IGF2BP1: variants seen among roughly 807,000 people sequenced by gnomAD.
IGF2BP1 encodes the protein insulin like growth factor 2 mRNA binding protein 1, also known as insulin-like growth factor 2 mRNA-binding protein 1.
In IGF2BP1, 11 loss-of-function variants were observed where a neutral mutation model predicts 74.9. The observed-to-expected ratio is 0.15, with a 90% CI of 0.09 to 0.24. The LOEUF (loss-of-function observed/expected upper bound fraction) is 0.24, where lower values mean the gene tolerates loss of function less well. Among genes scored for constraint, IGF2BP1 ranks in the 10% least tolerant of loss-of-function variants. The probability of loss-of-function intolerance (pLI) is 1.00; values close to 1 mark genes in which losing one functional copy is unlikely to be tolerated. For synonymous variants in IGF2BP1, 287 were observed against 281.8 expected, an observed-to-expected ratio of 1.02 and a Z score of -0.18; for missense variants, 440 against 757.4, an observed-to-expected ratio of 0.58 and a Z score of 4.92.
chr17:49,027,292 GA>G (rs1244831483), intron 4 of IGF2BP1, among the ~76,000 whole-genome samples: 1 of 152,114 alleles, frequency 6.6e-6, no homozygotes, highest in Non-Finnish European at 1.5e-5. Context: ...CAGGATTTTA[GA>G]ACTAGTCTAA....
intron 2 of IGF2BP1, among the ~76,000 whole-genome samples, chr17:49,010,475 G>A (rs1261530434): frequency 1.3e-5 from 2 of 151,246 alleles, no homozygotes; most frequent in African/African-American, 4.9e-5. Context: ...CCGCCACCAC[G>A]CCCGGCTACT....
chr17:49,041,312 T>G, intron 7 of IGF2BP1, 66 bp from the exon 8 acceptor site: 1 of 1,587,790 alleles, frequency 6.3e-7, no homozygotes, highest in Non-Finnish European at 8.6e-7. Context: ...GCATGGTGAT[T>G]GAGTCTTCAT....
intron 2 of IGF2BP1, among the ~76,000 whole-genome samples, chr17:49,005,508 C>T (rs1447011918): frequency 6.6e-6 from 1 of 152,070 alleles, no homozygotes; most frequent in Non-Finnish European, 1.5e-5. Flanking sequence ...ATTTTGGTGG[C>T]TGGAAGGCAT....
intron 14 of IGF2BP1, among the ~76,000 whole-genome samples, chr17:49,046,843 T>G (rs995486763): frequency 1.3e-5 from 2 of 152,146 alleles, no homozygotes; most frequent in Non-Finnish European, 2.9e-5. Flanking sequence ...CCCTGGTTTC[T>G]GCTCTTCCAC....
intron 2 of IGF2BP1, among the ~76,000 whole-genome samples, chr17:49,010,374 G>A (rs1030972777): frequency 1.4e-5 from 2 of 147,164 alleles, no homozygotes; most frequent in South Asian, 4.4e-4. Flanking sequence ...TGGAGTGCAG[G>A]GGCACGATCT....
chr17:49,044,911 A>AGAAGGGGAACTGGAT (rs2042093250), intron 11 of IGF2BP1, 80 bp from the exon 12 acceptor site: 3 of 1,207,632 alleles, frequency 2.5e-6, no homozygotes, highest in Non-Finnish European at 3.7e-6. Context: ...TAAGGGTGGT[A>AGAAGGGGAACTGGAT]GAAGGGGAAC....
In IGF2BP1 at chr17:48,999,093, T is replaced by C; in HGVS notation, c.176-16T>C. On this transcript the variant is annotated splice_polypyrimidine_tract_variant and intron_variant, in intron 1 of 14. Transcript: ENST00000290341. ...TGTTCAAGCTCTCATGGTAATTTTT[T>C]TTTTTTAATCTTTAGGGAAAGTAGA... The C allele has an allele frequency of 6.6e-7, 1 of 1,526,080 alleles. No homozygotes were observed. The highest frequency in any genetic ancestry group is 1.1e-5 in the South Asian group (1 of 88,994). 94.5% of individuals were successfully genotyped at this position (1,526,080 alleles called of 1,614,324 possible).
Position 49,045,922 on chromosome 17 carries a change from G to A in IGF2BP1, c.1428G>A (p.Glu476=). The A allele has an allele frequency of 6.2e-7, 1 of 1,614,106 alleles. No homozygotes were observed. Among genetic ancestry groups the A allele is most frequent in the Non-Finnish European group, 8.5e-7 (1 of 1,179,960 alleles). The part of the protein sequence containing the change: ...AQGRIYGKLK[E]ENFFGPKEEV... ...GAAGAATCTATGGCAAACTCAAGGA[G>A]GAGAACTTCTTTGGTCCCAAGGAGG... The change falls in exon 13 of 15, where the codon GAG becomes GAA. Residue 476 remains glutamate, a synonymous_variant. Coordinates refer to ENST00000290341, the MANE Select transcript of IGF2BP1 (RefSeq NM_006546.4).
chr17:49,040,545 A>T (rs762004921), intron 7 of IGF2BP1, among the ~76,000 whole-genome samples: 1 of 152,154 alleles, frequency 6.6e-6, no homozygotes, highest in Non-Finnish European at 1.5e-5. Context: ...ATGACCTCCT[A>T]GAAATTCTGT....
At chr17:49,043,169 G>C in intron 9 of IGF2BP1, among the ~76,000 whole-genome samples, 1 of 152,206 alleles carries the variant, frequency 6.6e-6, no homozygotes, top group Non-Finnish European at 1.5e-5. Context: ...GGACTCCTGA[G>C]GGTGTACAAC....
At chr17:49,047,864 A>G (rs1343449625) in intron 14 of IGF2BP1, among the ~76,000 whole-genome samples, 1 of 152,006 alleles carries the variant, frequency 6.6e-6, no homozygotes, top group Admixed American at 6.6e-5. Flanking sequence ...ACAGGCAGGT[A>G]CCACCACGCT....
chr17:49,055,768 C>T lies in IGF2BP1; in HGVS notation c.*6324C>T. On this transcript the variant is annotated 3_prime_UTR_variant, in exon 15 of 15. Coordinates refer to ENST00000290341, the MANE Select transcript of IGF2BP1 (RefSeq NM_006546.4). ...AAGCAGTTCTGAAACATCACTTACT[C>T]AGAAGAGGGAACGATGTATTTTGAT... is the stretch of plus-strand genomic sequence containing the variant. 2.5e-6 allele frequency: 1 copy of T among 392,466 alleles called. No individual in the cohort carries two copies. The highest frequency in any genetic ancestry group is 4.5e-6 in the Non-Finnish European group (1 of 223,178). The allele number at this position is 392,466 out of a possible 1,614,324, so 24.3% of individuals were successfully genotyped here.
At chr17:49,022,406 GC>G (rs919999860) in intron 2 of IGF2BP1, among the ~76,000 whole-genome samples, 1 of 152,074 alleles carries the variant, frequency 6.6e-6, no homozygotes, top group Admixed American at 6.5e-5. Flanking sequence ...GTGCCTCCCT[GC>G]CCCCCGCCCC....
intron 2 of IGF2BP1, among the ~76,000 whole-genome samples, chr17:49,004,306 C>CGGCTGCG (rs57993654): frequency 4.6e-5 from 7 of 151,294 alleles, no homozygotes; most frequent in Admixed American, 2.0e-4. Flanking sequence ...TCCCCCTCAC[C>CGGCTGCG]GGCTGCGGGC....
At chr17:49,041,119 T>C (rs2042047564) in intron 7 of IGF2BP1, among the ~76,000 whole-genome samples, 1 of 152,180 alleles carries the variant, frequency 6.6e-6, no homozygotes, top group African/African-American at 2.4e-5. Context: ...GTCAAGGCTG[T>C]GGTGAGCCTT....
chr17:49,002,065 T>A (rs2041493749), intron 2 of IGF2BP1, among the ~76,000 whole-genome samples: 2 of 152,120 alleles, frequency 1.3e-5, no homozygotes, highest in Non-Finnish European at 2.9e-5. Flanking sequence ...TCATTTTTTT[T>A]AAAGGTGAAA....
intron 7 of IGF2BP1, among the ~76,000 whole-genome samples, chr17:49,040,697 A>G (rs1243419863): frequency 3.3e-5 from 5 of 152,016 alleles, no homozygotes; most frequent in Non-Finnish European, 5.9e-5. Flanking sequence ...TACTTTTTTC[A>G]TTTTCTGTAT....
intron 4 of IGF2BP1, among the ~76,000 whole-genome samples, chr17:49,026,719 G>T (rs751568093): frequency 2.5e-3 from 271 of 106,512 alleles, no homozygotes; most frequent in African/African-American, 9.2e-3. Context: ...CTGCCTTCCT[G>T]CCTGCCTTCC....
intron 2 of IGF2BP1, among the ~76,000 whole-genome samples, chr17:49,024,019 C>G (rs888051390): frequency 6.7e-6 from 1 of 149,464 alleles, no homozygotes; most frequent in Non-Finnish European, 1.5e-5. Flanking sequence ...CTGGTTCAAG[C>G]GATCCTCCTG....
Sources: allele counts gnomAD v4.1 joint callset (sites outside exome capture counted in the v4.1 genomes callset), GRCh38; gene constraint gnomAD v4.1.1; transcripts MANE v1.5; gene names NCBI Gene and HGNC (gene_info 2026-07-23, HGNC 2026-07-21).